Variants in CAMKMT observed in about 807,000 individuals in gnomAD.
CAMKMT encodes CaM KMT.
A neutral mutation model predicts 48.0 loss-of-function variants in CAMKMT; 53 were observed. That is an observed-to-expected ratio of 1.10 (90% CI 0.89 to 1.39). The LOEUF (loss-of-function observed/expected upper bound fraction) is 1.39. Ranked by LOEUF, CAMKMT falls within the 40% of genes most tolerant of loss-of-function variation. The pLI is 0.00. For missense variants in CAMKMT, 428 were observed against 402.7 expected (o/e 1.06, Z -0.54); for synonymous variants, 165 against 152.3 (o/e 1.08, Z -0.61).
intron 3 of CAMKMT, among the ~76,000 whole-genome samples, chr2:44,512,809 T>C (rs187445241): frequency 6.6e-5 from 10 of 151,350 alleles, no homozygotes; most frequent in African/African-American, 2.4e-4. Context: ...CAATGTTTTT[T>C]TCTTAAGATA....
intron 3 of CAMKMT, among the ~76,000 whole-genome samples, chr2:44,664,856 A>G (rs1674872527): frequency 1.3e-5 from 2 of 152,288 alleles, no homozygotes; most frequent in African/African-American, 4.8e-5. Flanking sequence ...TAGTGGATGG[A>G]AAATAGCCTT....
chr2:44,491,419 T>C (rs1669499483), intron 3 of CAMKMT, among the ~76,000 whole-genome samples: 1 of 152,238 alleles, frequency 6.6e-6, no homozygotes, highest in South Asian at 2.1e-4. Flanking sequence ...TCCTTATTCA[T>C]GTAGACCACT....
At chr2:44,470,980 TTC>T (rs1303711315) in intron 3 of CAMKMT, among the ~76,000 whole-genome samples, 1 of 147,830 alleles carries the variant, frequency 6.8e-6, no homozygotes, top group Non-Finnish European at 1.5e-5. Context: ...TTAATGTTTC[TTC>T]TCTCTCTCTC....
chr2:44,376,541 A>G (rs1360146347), intron 2 of CAMKMT, among the ~76,000 whole-genome samples: 1 of 152,162 alleles, frequency 6.6e-6, no homozygotes, highest in African/African-American at 2.4e-5. Context: ...AGCTTAACAG[A>G]GATAACACAC....
chr2:44,681,361 C>T (rs1167569471), intron 3 of CAMKMT, among the ~76,000 whole-genome samples: 1 of 152,132 alleles, frequency 6.6e-6, no homozygotes, highest in Non-Finnish European at 1.5e-5. Context: ...CGCAGCTGAT[C>T]CCCTACCGCT....
chr2:44,491,388 G>C (rs762665764), intron 3 of CAMKMT, among the ~76,000 whole-genome samples: 2 of 152,092 alleles, frequency 1.3e-5, no homozygotes, highest in Non-Finnish European at 2.9e-5. Context: ...TTAAATGCCA[G>C]TGGTAAAATA....
intron 3 of CAMKMT, among the ~76,000 whole-genome samples, chr2:44,483,097 C>T (rs1410204145): frequency 3.9e-5 from 6 of 152,130 alleles, no homozygotes; most frequent in African/African-American, 1.4e-4. Flanking sequence ...TATAAAAATA[C>T]ACTAAAGGCT....
At chr2:44,397,826 T>C (rs1681999363) in intron 3 of CAMKMT, among the ~76,000 whole-genome samples, 1 of 152,236 alleles carries the variant, frequency 6.6e-6, no homozygotes, top group South Asian at 2.1e-4. Flanking sequence ...GGTGCTATCA[T>C]GGGAACTGAC....
intron 3 of CAMKMT, among the ~76,000 whole-genome samples, chr2:44,412,548 C>A (rs1316155259): frequency 6.6e-6 from 1 of 151,974 alleles, no homozygotes; most frequent in Admixed American, 6.6e-5. Context: ...ATTGGCCAGG[C>A]TGGTCTTAAA....
At chr2:44,517,072 T>C (rs1277701841) in intron 3 of CAMKMT, among the ~76,000 whole-genome samples, 2 of 152,150 alleles carry the variant, frequency 1.3e-5, no homozygotes, top group African/African-American at 4.8e-5. Context: ...AATCATCATT[T>C]TGAGAATTAA....
intron 3 of CAMKMT, among the ~76,000 whole-genome samples, chr2:44,422,628 T>A (rs191405560): frequency 8.7e-4 from 133 of 152,286 alleles, no homozygotes; most frequent in Non-Finnish European, 1.5e-3. Context: ...TTTGCCTTAC[T>A]CCCTCAAGAT....
intron 3 of CAMKMT, among the ~76,000 whole-genome samples, chr2:44,624,390 A>G (rs928601993): frequency 6.6e-6 from 1 of 151,874 alleles, no homozygotes; most frequent in Non-Finnish European, 1.5e-5. Flanking sequence ...GGTTTGTTAC[A>G]TATGTATACA....
intron 3 of CAMKMT, among the ~76,000 whole-genome samples, chr2:44,610,354 G>A (rs1350372453): frequency 1.3e-5 from 2 of 152,148 alleles, no homozygotes; most frequent in African/African-American, 4.8e-5. Flanking sequence ...AAGTCTTAAG[G>A]AAGCAGAATA....
chr2:44,575,686 A>G (rs906124467), intron 3 of CAMKMT, among the ~76,000 whole-genome samples: 3 of 152,018 alleles, frequency 2.0e-5, no homozygotes, highest in Non-Finnish European at 4.4e-5. Flanking sequence ...CCTTGGCAAC[A>G]TGGCGAAACC....
chr2:44,502,341 T>A (rs563047507), intron 3 of CAMKMT, among the ~76,000 whole-genome samples: 1 of 152,324 alleles, frequency 6.6e-6, no homozygotes, highest in East Asian at 1.9e-4. Context: ...CTGTGACTGA[T>A]TAGTATCCTT....
intron 3 of CAMKMT, among the ~76,000 whole-genome samples, chr2:44,579,350 G>A (rs911291708): frequency 1.6e-4 from 25 of 152,248 alleles, no homozygotes; most frequent in African/African-American, 5.5e-4. Context: ...ATGCGCTGGT[G>A]TAATGGAGCA....
rs184048259 is a variant in CAMKMT at position 44,508,447 on chromosome 2, C to T, written c.376+118142C>T. Among the ~76,000 whole-genome samples, 11 of 152,258 alleles carry T rather than the reference C, an allele frequency of 7.2e-5. No homozygotes were observed. The East Asian group carries it at 1.7e-3, about 24-fold the overall frequency. ...GTTACAGGAAGGGAGTTCCCCACTA[C>T]AGTGTTTAAAAATTCCGAGCTTTCA... On this transcript the variant is annotated intron_variant, in intron 3 of 10. Transcript: ENST00000378494.
chr2:44,549,115 CT>C (rs1343848839), intron 3 of CAMKMT, among the ~76,000 whole-genome samples: 4 of 152,016 alleles, frequency 2.6e-5, no homozygotes, highest in Non-Finnish European at 5.9e-5. Flanking sequence ...GTTTTCAAAT[CT>C]TATGTCTCTT....
chr2:44,557,739 G>T (rs1360725386), intron 3 of CAMKMT, among the ~76,000 whole-genome samples: 2 of 152,182 alleles, frequency 1.3e-5, no homozygotes, highest in Admixed American at 6.5e-5. Context: ...ACCGGGAGGT[G>T]ATCACTTTTT....
Sources: allele counts gnomAD v4.1 joint callset (sites outside exome capture counted in the v4.1 genomes callset), GRCh38; gene constraint gnomAD v4.1.1; transcripts MANE v1.5; gene names NCBI Gene and HGNC (gene_info 2026-07-23, HGNC 2026-07-21).